Variants in SIK3 observed in about 807,000 individuals in gnomAD.
The protein encoded by SIK3 is serine/threonine-protein kinase SIK3.
In SIK3, 28 loss-of-function variants were observed where a neutral mutation model predicts 144.2. That is an observed-to-expected ratio of 0.19 (90% confidence interval 0.14 to 0.27). The LOEUF (loss-of-function observed/expected upper bound fraction) is 0.27, where lower values mean the gene tolerates loss of function less well. Among genes scored for constraint, SIK3 ranks in the 10% least tolerant of loss-of-function variants. SIK3 has a pLI of 1.00. For missense variants in SIK3, 1,319 were observed against 1,776.0 expected, an observed-to-expected ratio of 0.74 and a Z score of 4.62; for synonymous variants, 686 against 676.3, an observed-to-expected ratio of 1.01 and a Z score of -0.22.
Position 116,927,207 on chromosome 11 carries a change from T to C in SIK3, c.616+12A>G, listed in dbSNP as rs989823032. ...CTTTGTCCCTATCTGACATCCTCAGTACAGTTCTCACCTGCTATTTTGATA... is the reference window on the plus strand; with the variant it reads ...CTTTGTCCCTATCTGACATCCTCAGCACAGTTCTCACCTGCTATTTTGATA... On this transcript the variant is annotated intron_variant, in intron 4 of 24. Coordinates refer to ENST00000445177, the MANE Select transcript of SIK3 (RefSeq NM_001366686.3). The C allele has an allele frequency of 1.2e-6, 2 of 1,610,962 alleles. No homozygotes were observed. Among genetic ancestry groups the C allele is most frequent in the African/African-American group, 1.3e-5 (1 of 74,884 alleles).
chr11:116,920,803 G>C (rs1946925597), intron 4 of SIK3, among the ~76,000 whole-genome samples: 1 of 152,220 alleles, frequency 6.6e-6, no homozygotes, highest in African/African-American at 2.4e-5. Flanking sequence ...CAGTGGGAGT[G>C]TGACAATAAA....
At chr11:116,980,179 A>G (rs1950089285) in intron 1 of SIK3, among the ~76,000 whole-genome samples, 1 of 152,198 alleles carries the variant, frequency 6.6e-6, no homozygotes, top group East Asian at 1.9e-4. Flanking sequence ...TAATACACCT[A>G]GCCTACCAAA....
chr11:117,093,021 C>G (rs1375155558), intron 1 of SIK3, among the ~76,000 whole-genome samples: 1 of 152,174 alleles, frequency 6.6e-6, no homozygotes, highest in Non-Finnish European at 1.5e-5. Flanking sequence ...AGTCTTAGCT[C>G]TTTACAAAAT....
chr11:117,012,521 T>G (rs7122558), intron 1 of SIK3, among the ~76,000 whole-genome samples: 4,381 of 152,312 alleles, frequency 0.029, 197 homozygotes, highest in African/African-American at 0.097. Flanking sequence ...AATGCTAAAC[T>G]GATTCATCTT....
chr11:116,885,210 G>A (rs755532894), intron 6 of SIK3, among the ~76,000 whole-genome samples: 3 of 152,098 alleles, frequency 2.0e-5, no homozygotes, highest in Admixed American at 6.5e-5. Context: ...GAACACTTTC[G>A]CAAAGAGATG....
chr11:117,067,025 T>C (rs1233453624), intron 1 of SIK3, among the ~76,000 whole-genome samples: 1 of 152,124 alleles, frequency 6.6e-6, no homozygotes, highest in African/African-American at 2.4e-5. Context: ...ATTTTAGCAA[T>C]GGTAAGGATT....
chr11:116,862,446 T>C lies in SIK3; in HGVS notation c.2104-119A>G. ...GGCAGAAAGAGCCGCAAGAGAACAG[T>C]GTCCTTGATGAGCAATTAACTCATT... On this transcript the variant is annotated intron_variant, in intron 16 of 24. Coordinates refer to ENST00000445177, the MANE Select transcript of SIK3 (RefSeq NM_001366686.3). 7 of 1,274,350 alleles carry C rather than the reference T, an allele frequency of 5.5e-6. No homozygotes were observed. In the South Asian group the frequency reaches 9.1e-5, roughly 17 times the overall value. 78.9% of individuals were successfully genotyped at this position (1,274,350 alleles called of 1,614,324 possible).
intron 4 of SIK3, among the ~76,000 whole-genome samples, chr11:116,914,863 T>C (rs1946536957): frequency 1.3e-5 from 2 of 152,234 alleles, no homozygotes; most frequent in South Asian, 4.1e-4. Flanking sequence ...CAAAGGAATG[T>C]ATTATCTTAA....
At chr11:116,856,196 C>A (rs1393545705) in intron 21 of SIK3, among the ~76,000 whole-genome samples, 303 of 115,302 alleles carry the variant, frequency 2.6e-3, no homozygotes, top group African/African-American at 4.7e-3. Flanking sequence ...GACTCCGTCT[C>A]AAAAAAAAAA....
intron 1 of SIK3, among the ~76,000 whole-genome samples, chr11:117,013,903 G>GTGTGTGTGTGTGTGTGTGTGTGTGTGTAT (rs1555127047): frequency 1.9e-5 from 1 of 52,766 alleles, no homozygotes; most frequent in Non-Finnish European, 4.4e-5. Context: ...ATTCTGAGGG[G>GTGTGTGTGTGTGTGTGTGTGTGTGTGTAT]GGGGGGGGGA....
intron 3 of SIK3, among the ~76,000 whole-genome samples, chr11:116,945,392 T>TG (rs1436519209): frequency 2.7e-5 from 4 of 146,034 alleles, no homozygotes; most frequent in Non-Finnish European, 6.0e-5. Flanking sequence ...TTTTTTTTTT[T>TG]TTTTTTTTTT....
chr11:117,049,886 A>G (rs1472621021), intron 1 of SIK3, among the ~76,000 whole-genome samples: 1 of 152,060 alleles, frequency 6.6e-6, no homozygotes, highest in Non-Finnish European at 1.5e-5. Flanking sequence ...ACTTGAGCCC[A>G]GAGTTCAAGT....
chr11:117,070,593 C>T (rs1954221558), intron 1 of SIK3, among the ~76,000 whole-genome samples: 1 of 152,022 alleles, frequency 6.6e-6, no homozygotes, highest in Admixed American at 6.6e-5. Context: ...ATGACAGGCG[C>T]CCGCCATCAC....
chr11:116,886,587 TAAAG>T (rs1351214935), intron 6 of SIK3, among the ~76,000 whole-genome samples: 1 of 152,198 alleles, frequency 6.6e-6, no homozygotes, highest in Non-Finnish European at 1.5e-5. Flanking sequence ...GTCTAATCAA[TAAAG>T]ACTCAAAAAT....
intron 1 of SIK3, among the ~76,000 whole-genome samples, chr11:117,020,749 C>T (rs1041337140): frequency 6.6e-6 from 1 of 152,204 alleles, no homozygotes; most frequent in African/African-American, 2.4e-5. Context: ...AGTACTCTTC[C>T]AGGCTTTGCC....
chr11:116,996,392 C>G (rs1005007392), intron 1 of SIK3, among the ~76,000 whole-genome samples: 1 of 151,992 alleles, frequency 6.6e-6, no homozygotes, highest in African/African-American at 2.4e-5. Flanking sequence ...TTGATTATGT[C>G]AAGAGGGTGA....
intron 3 of SIK3, among the ~76,000 whole-genome samples, chr11:116,952,407 A>C (rs1236150567): frequency 6.6e-6 from 1 of 152,184 alleles, no homozygotes; most frequent in African/African-American, 2.4e-5. Flanking sequence ...GTCCAAAGAA[A>C]AAACCTTATC....
At chr11:116,873,329 A>T in intron 13 of SIK3, 152 bp downstream of exon 13, 2 of 988,176 alleles carry the variant, frequency 2.0e-6, no homozygotes, top group Non-Finnish European at 3.0e-6. Context: ...GGAAAACTCT[A>T]CTGGCCTGAA....
intron 3 of SIK3, among the ~76,000 whole-genome samples, chr11:116,951,939 A>AGAAT (rs1439360647): frequency 5.4e-5 from 6 of 112,122 alleles, no homozygotes; most frequent in South Asian, 2.8e-4. Context: ...AGCTCAAAAA[A>AGAAT]GAATAAATAA....
Sources: allele counts gnomAD v4.1 joint callset (sites outside exome capture counted in the v4.1 genomes callset), GRCh38; gene constraint gnomAD v4.1.1; transcripts MANE v1.5; gene names NCBI Gene and HGNC (gene_info 2026-07-23, HGNC 2026-07-21).